Variants in PPP6R1 observed in about 807,000 individuals in gnomAD.
PPP6R1 encodes the protein serine/threonine-protein phosphatase 6 regulatory subunit 1.
A neutral mutation model predicts 104.6 loss-of-function variants in PPP6R1; 39 were observed. That is an observed-to-expected ratio of 0.37 (90% CI 0.29 to 0.49). The LOEUF is 0.49. PPP6R1 is among the 20% of genes least tolerant of loss of function. PPP6R1 has a pLI of 0.98. For missense variants in PPP6R1, 1,181 were observed against 1,155.8 expected (o/e 1.02, Z -0.32); for synonymous variants, 549 against 479.0 (o/e 1.15, Z -1.91).
chr19:55,248,253 C>G (rs1257588237), intron 1 of PPP6R1, among the ~76,000 whole-genome samples: 1 of 152,210 alleles, frequency 6.6e-6, no homozygotes, highest in Non-Finnish European at 1.5e-5. Context: ...AGCTCACCAG[C>G]AGCCCCCAAG....
At chr19:55,242,654 G>A in intron 5 of PPP6R1, 166 bp from the exon 6 acceptor site, 1 of 638,074 alleles carries the variant, frequency 1.6e-6, no homozygotes, top group Non-Finnish European at 2.8e-6. Flanking sequence ...AACTGCTGGA[G>A]GGAAGATGGT....
rs1241013883 is a variant in PPP6R1, at chr19:55,247,048, C to T, written c.56G>A (p.Arg19Gln). 12 of 1,613,698 alleles carry T rather than the reference C, an allele frequency of 7.4e-6. No individual in the cohort carries two copies. The highest frequency in any genetic ancestry group is 2.2e-5 in the East Asian group (1 of 44,886). ...TSSHLDTLLE[R>Q]EDLSLPELLD... ...CAGCTCGGGCAGGCTCAGGTCCTCC[C>T]GCTCCAGCAGCGTGTCCAGGTGCGA... Residue 19 changes from arginine to glutamine, a missense_variant, in exon 2 of 24, where the codon CGG (arginine) becomes CAG (glutamine). Transcript: ENST00000412770.
rs773138968 is a variant in PPP6R1 at position 55,245,405 on chromosome 19, G to A, written c.415-3C>T. 3 of 1,613,430 alleles carry A rather than the reference G, an allele frequency of 1.9e-6. No homozygotes were observed. The highest frequency in any genetic ancestry group is 2.2e-5 in the East Asian group (1 of 44,874). On this transcript the variant is annotated splice_region_variant and splice_polypyrimidine_tract_variant and intron_variant, in intron 3 of 23. Transcript: ENST00000412770. This position sits in a 1 kb window ranked among gnomAD's most constrained non-coding sequence, Gnocchi z 6.4. ...TTCTTCCGAAGAAAGGACACGAGCTGGGGGCACACGGGCTGCGTCATGCAC... is the reference window on the plus strand; with the variant it reads ...TTCTTCCGAAGAAAGGACACGAGCTAGGGGCACACGGGCTGCGTCATGCAC...
At chr19:55,258,207 G>C (rs930016377) in intron 1 of PPP6R1, among the ~76,000 whole-genome samples, 1 of 152,234 alleles carries the variant, frequency 6.6e-6, no homozygotes, top group Non-Finnish European at 1.5e-5. Context: ...AAGAGACTGA[G>C]ACTAGGGTGG....
chr19:55,231,825 A>G lies in PPP6R1; in HGVS notation c.2283T>C (p.Pro761=). The G allele has an allele frequency of 2.0e-6, 3 of 1,503,080 alleles. No individual in the cohort carries two copies. Among genetic ancestry groups the G allele is most frequent in the Non-Finnish European group, 2.7e-6 (3 of 1,127,218 alleles). 93.1% of individuals were successfully genotyped at this position (1,503,080 alleles called of 1,614,324 possible). ...ACCTGAGCTGCAGGGCGTCACGGGC[A>G]GGAGGGCTGGCCAGGCTCTGAGTGG... ...GLPTQSLASP[P]ARDALQLRSQ... Residue 761 remains proline, a synonymous_variant, in exon 19 of 24, where the codon CCT becomes CCC. Coordinates refer to ENST00000412770, the MANE Select transcript of PPP6R1 (RefSeq NM_014931.4).
At position 55,241,421 on chromosome 19, in the gene PPP6R1, G is replaced by A. The variant is rs2087456349; in HGVS notation, c.1009-30C>T. ...AGACACAGGGAGGCCTGATTCCCAA[G>A]GGCTGCCCTTCCTGCTTCCCCCGCC... On this transcript the variant is annotated intron_variant, in intron 8 of 23. Transcript: ENST00000412770. The surrounding 1 kb of genome is among the most constrained non-coding windows in gnomAD (Gnocchi z 5.4). The A allele has an allele frequency of 1.9e-6, 3 of 1,597,452 alleles. No homozygotes were observed. The highest frequency in any genetic ancestry group is 2.6e-6 in the Non-Finnish European group (3 of 1,169,636).
At chr19:55,228,574 A>G (rs2087308146), downstream of PPP6R1, 6 of 1,521,624 alleles carry the variant, frequency 3.9e-6, no homozygotes, top group South Asian at 7.3e-5. Flanking sequence ...CCAGGCTGCC[A>G]GAACCCAGCT....
At position 55,245,461 on chromosome 19, in the gene PPP6R1, C is replaced by A. The variant is rs757926206; in HGVS notation, c.414+31G>T. On this transcript the variant is annotated intron_variant, in intron 3 of 23. Coordinates refer to ENST00000412770, the MANE Select transcript of PPP6R1 (RefSeq NM_014931.4). The surrounding 1 kb of genome is among the most constrained non-coding windows in gnomAD (Gnocchi z 6.4). ...CTGGCCCAGCCACCACCCCTCAACC[C>A]ACGGTGGCGCCAGGGTGGGGGCCAG... 8.7e-6 allele frequency: 14 copies of A among 1,610,690 alleles called. No individual in the cohort carries two copies. The highest frequency in any genetic ancestry group is 1.7e-6 in the Non-Finnish European group (2 of 1,178,374).
At chr19:55,228,390 G>C (rs111961448), downstream of PPP6R1, 1 of 1,613,734 alleles carries the variant, frequency 6.2e-7, no homozygotes, top group South Asian at 1.1e-5. Flanking sequence ...AGAAGTACAC[G>C]CAGCAGGAGA....
chr19:55,239,350 C>A (rs2087428442), intron 15 of PPP6R1, 55 bp downstream of exon 15: 5 of 1,518,592 alleles, frequency 3.3e-6, no homozygotes, highest in Non-Finnish European at 4.5e-6. Context: ...CAAGTAGGCG[C>A]GCCTGCTGCT....
intron 1 of PPP6R1, among the ~76,000 whole-genome samples, chr19:55,251,182 GC>G (rs1208682930): frequency 6.6e-6 from 1 of 152,152 alleles, no homozygotes; most frequent in Non-Finnish European, 1.5e-5. Flanking sequence ...GTTCTGACCT[GC>G]CGCCTGGAAG....
chr19:55,243,404 CAAA>C (rs58375899), intron 5 of PPP6R1, among the ~76,000 whole-genome samples: 21 of 49,134 alleles, frequency 4.3e-4, no homozygotes, highest in African/African-American at 1.3e-3. Context: ...GACTCCATCT[CAAA>C]AAAAAAAAAA....
intron 10 of PPP6R1, among the ~76,000 whole-genome samples, chr19:55,240,555 A>ATG (rs1555885267): frequency 5.4e-5 from 8 of 147,536 alleles, no homozygotes; most frequent in East Asian, 2.0e-4. Context: ...ACACACACAC[A>ATG]CATGCATGCA....
chr19:55,247,148 C>A, intron 1 of PPP6R1, 39 bp from the exon 2 acceptor site: 1 of 1,587,672 alleles, frequency 6.3e-7, no homozygotes, highest in Non-Finnish European at 8.6e-7. Context: ...GTCAGACGCC[C>A]CAGGGAGTCC....
At position 55,241,000 on chromosome 19, in the gene PPP6R1, C is replaced by G. The variant is rs755588480; in HGVS notation, c.1241G>C (p.Gly414Ala). The change falls in exon 10 of 24, where the codon GGG becomes GCG. Residue 414 changes from glycine (G) to alanine (A), a missense_variant. Physicochemically the swap from Gly to Ala is moderately conservative, Grantham distance 60. Coordinates refer to ENST00000412770, the MANE Select transcript of PPP6R1 (RefSeq NM_014931.4). ...EGCVSTMLSLGPPPDSSPETP... is the reference protein window; with the variant it reads ...EGCVSTMLSLAPPPDSSPETP... ...CTCAGGGCTGCTGTCAGGAGGTGGC[C>G]CCAAGCTCAGCATGGTGCTCACGCA... The G allele has an allele frequency of 6.3e-6, 10 of 1,595,590 alleles. 1 individual carries two copies. In the South Asian group the frequency reaches 1.1e-4, roughly 18 times the overall value.
chr19:55,232,602 G>A (rs2087360070), intron 17 of PPP6R1: 1 of 182,066 alleles, frequency 5.5e-6, no homozygotes, highest in Non-Finnish European at 1.1e-5. Flanking sequence ...CCACCAGCAG[G>A]CCCACCCTCT....
chr19:55,241,669 G>A lies in PPP6R1; in HGVS notation c.846-30C>T. ...AGCAGGGCAGGGTCGAAGGCGGAGTGAGCCTAGATGGCCTGTGCGCCCACA... is the reference window on the plus strand; with the variant it reads ...AGCAGGGCAGGGTCGAAGGCGGAGTAAGCCTAGATGGCCTGTGCGCCCACA... On this transcript the variant is annotated intron_variant, in intron 7 of 23. Transcript: ENST00000412770. The surrounding 1 kb of genome is among the most constrained non-coding windows in gnomAD (Gnocchi z 5.4). 1 of 1,529,816 alleles carries A rather than the reference G, an allele frequency of 6.5e-7. No homozygotes were observed. Among genetic ancestry groups the A allele is most frequent in the Non-Finnish European group, 8.8e-7 (1 of 1,137,248 alleles). The allele number at this position is 1,529,816 out of a possible 1,614,324, so 94.8% of individuals were successfully genotyped here. A position where few individuals can be genotyped will look rare whatever the true frequency, so the allele number is the denominator to read the frequency against.
At chr19:55,253,525 T>C (rs903867719) in intron 1 of PPP6R1, among the ~76,000 whole-genome samples, 1 of 152,190 alleles carries the variant, frequency 6.6e-6, no homozygotes, top group Non-Finnish European at 1.5e-5. Flanking sequence ...TGCTCGCTGG[T>C]GCACGGCATC....
At position 55,241,518 on chromosome 19, in the gene PPP6R1, G is replaced by T. The variant is rs748962055; in HGVS notation, c.967C>A (p.Arg323=). ...SVGALHALRP[R]LSCFHQLLLE... ...AGGAGCTGGTGGAAGCAGCTGAGCC[G>T]CGGGCGTAGGGCGTGCAAGGCGCCC... The change falls in exon 8 of 24, where the codon CGG becomes AGG. Residue 323 remains arginine, a synonymous_variant. Transcript: ENST00000412770. The surrounding 1 kb of genome is among the most constrained non-coding windows in gnomAD (Gnocchi z 5.4). 8 of 1,587,846 alleles carry T rather than the reference G, an allele frequency of 5.0e-6. No homozygotes were observed. Among genetic ancestry groups the T allele is most frequent in the Admixed American group, 3.6e-5 (2 of 55,682 alleles).
Sources: gnomAD v4.1 joint callset for allele counts (sites outside exome capture counted in the v4.1 genomes callset) on GRCh38, gnomAD v4.1.1 for gene constraint, Gnocchi (gnomAD v3.1) non-coding constraint, MANE v1.5 for transcripts, NCBI Gene and HGNC (gene_info 2026-07-23, HGNC 2026-07-21) for gene names.